Variants in AFF4 observed in about 807,000 individuals in gnomAD.
The protein encoded by AFF4 is AF4/FMR2 family member 4.
In AFF4, 13 loss-of-function variants were observed where a neutral mutation model predicts 124.8. The observed-to-expected ratio is 0.10, with a 90% CI of 0.07 to 0.17. The LOEUF is 0.17. AFF4 is among the 10% of genes least tolerant of loss of function. AFF4 has a pLI of 1.00. For missense variants in AFF4, 1,092 were observed against 1,403.8 expected (o/e 0.78, Z 3.55); for synonymous variants, 477 against 496.1 (o/e 0.96, Z 0.51).
intron 1 of AFF4, among the ~76,000 whole-genome samples, chr5:132,961,588 C>T (rs1762083620): frequency 6.6e-6 from 1 of 152,074 alleles, no homozygotes; most frequent in African/African-American, 2.4e-5. Context: ...AATGTATCAA[C>T]CTGAATGTGA....
chr5:132,916,637 T>C (rs1269218126), intron 5 of AFF4, among the ~76,000 whole-genome samples: 1 of 152,150 alleles, frequency 6.6e-6, no homozygotes, highest in African/African-American at 2.4e-5. Flanking sequence ...TGAGGTTTCC[T>C]CTCATCTCTT....
chr5:132,898,725 C>G (rs1408066696), intron 9 of AFF4, among the ~76,000 whole-genome samples: 2 of 151,968 alleles, frequency 1.3e-5, no homozygotes, highest in African/African-American at 4.8e-5. Flanking sequence ...CTCAGGTGAT[C>G]CACCCGCCTC....
Position 132,881,154 on chromosome 5 carries a change from G to A in AFF4, c.3397C>T (p.Pro1133Ser). The part of the protein sequence containing the change: ...FFAELDKVMG[P>S]LIFNASIMTD... ...ATGATGCTTGCATTAAAGATGAGAGGGCCCATTACTTTATCCAGTTCAGCA... is the reference window on the plus strand; with the variant it reads ...ATGATGCTTGCATTAAAGATGAGAGAGCCCATTACTTTATCCAGTTCAGCA... The change falls in exon 21 of 21, where the codon CCT (proline) becomes TCT (serine). Residue 1133 changes from proline (P) to serine (S), a missense_variant. Transcript: ENST00000265343. 1 of 1,613,902 alleles carries A rather than the reference G, an allele frequency of 6.2e-7. No homozygotes were observed.
intron 1 of AFF4, among the ~76,000 whole-genome samples, chr5:132,947,021 CACTTTGTGGCA>C (rs1410851635): frequency 6.6e-6 from 1 of 152,088 alleles, no homozygotes. Flanking sequence ...CATGCCACTG[CACTTTGTGGCA>C]ACTGAGTGAG....
chr5:132,958,428 TG>T (rs1561515837), intron 1 of AFF4, among the ~76,000 whole-genome samples: 1 of 126,104 alleles, frequency 7.9e-6, no homozygotes, highest in African/African-American at 3.2e-5. Context: ...ATCACATCAC[TG>T]CACTCCAGCC....
intron 5 of AFF4, among the ~76,000 whole-genome samples, chr5:132,912,462 G>A (rs1760814434): frequency 6.6e-6 from 1 of 152,110 alleles, no homozygotes; most frequent in African/African-American, 2.4e-5. Context: ...CGGGGCTCAA[G>A]CTATTTTCCC....
At chr5:132,948,352 A>T (rs538324464) in intron 1 of AFF4, 1 of 152,172 alleles carries the variant, frequency 6.6e-6, no homozygotes, top group African/African-American at 2.4e-5. Flanking sequence ...GTTCTTTCCC[A>T]TTCCTCACAA....
chr5:132,894,080 G>A (rs2150070900), intron 11 of AFF4, among the ~76,000 whole-genome samples: 1 of 152,310 alleles, frequency 6.6e-6, no homozygotes, highest in African/African-American at 2.4e-5. Context: ...TTCATCAGGT[G>A]ATGGCCATTT....
chr5:132,949,061 C>T (rs939716913), intron 1 of AFF4, among the ~76,000 whole-genome samples: 2 of 151,880 alleles, frequency 1.3e-5, no homozygotes, highest in African/African-American at 4.8e-5. Flanking sequence ...CTTGCCTTAT[C>T]AAAACATGGG....
chr5:132,961,020 G>A (rs13188357), intron 1 of AFF4, among the ~76,000 whole-genome samples: 1 of 151,816 alleles, frequency 6.6e-6, no homozygotes, highest in Non-Finnish European at 1.5e-5. Context: ...TCAGGAGTTC[G>A]AGACCAGTCT....
intron 12 of AFF4, among the ~76,000 whole-genome samples, chr5:132,892,720 A>G (rs1760294677): frequency 1.3e-5 from 2 of 152,200 alleles, no homozygotes; most frequent in South Asian, 4.1e-4. Context: ...GTTGGCAACC[A>G]GTCTCTTGGA....
At position 132,963,542 on chromosome 5, in the gene AFF4, G is replaced by A. The variant is rs993567487; in HGVS notation, c.-288C>T. On this transcript the variant is annotated 5_prime_UTR_variant, in exon 1 of 21. Coordinates refer to ENST00000265343, the MANE Select transcript of AFF4 (RefSeq NM_014423.4). ...GGGACAGCTGACTGAGGCGGCGGGGGCGGGTTAACGAAGACCTGGCACCAG... is the reference window on the plus strand; with the variant it reads ...GGGACAGCTGACTGAGGCGGCGGGGACGGGTTAACGAAGACCTGGCACCAG... 3 of 398,222 alleles carry A rather than the reference G, an allele frequency of 7.5e-6. No homozygotes were observed. Among genetic ancestry groups the A allele is most frequent in the Non-Finnish European group, 1.3e-5 (3 of 225,840 alleles). The allele number at this position is 398,222 out of a possible 1,614,324, so 24.7% of individuals were successfully genotyped here.
chr5:132,946,021 T>G (rs548841049), intron 1 of AFF4, among the ~76,000 whole-genome samples: 1 of 149,144 alleles, frequency 6.7e-6, no homozygotes, highest in Non-Finnish European at 1.5e-5. Flanking sequence ...GATTGCACCA[T>G]TGCACTCCAG....
At chr5:132,890,440 A>G (rs955158225) in intron 13 of AFF4, among the ~76,000 whole-genome samples, 3 of 151,942 alleles carry the variant, frequency 2.0e-5, no homozygotes, top group Non-Finnish European at 4.4e-5. Context: ...GGCCCCCTCT[A>G]TGTTTTATAA....
chr5:132,947,708 A>C (rs1761733194), intron 1 of AFF4, among the ~76,000 whole-genome samples: 2 of 152,190 alleles, frequency 1.3e-5, no homozygotes. Flanking sequence ...TCAACAGTAC[A>C]TAAATCCCTC....
At position 132,899,141 on chromosome 5, in the gene AFF4, C is replaced by G; in HGVS notation, c.1189G>C (p.Asp397His). Residue 397 changes from aspartate to histidine, a missense_variant and splice_region_variant, in exon 9 of 21, where the codon GAT (aspartate) becomes CAT (histidine). Physicochemically the swap from Asp to His is moderately conservative, Grantham distance 81. This residue lies in a region of AFF4 where 148 missense variants were observed against 196.3 expected (regional missense o/e 0.75). Coordinates refer to ENST00000265343, the MANE Select transcript of AFF4 (RefSeq NM_014423.4). ...CTCCTCGGCATTGTCTTATCACAAT[C>G]CTAAAATTAAAACATAAGAAAGAAT... ...SSSEDSDGEQ[D>H]CDKTMPRSTP... The G allele has an allele frequency of 6.2e-7, 1 of 1,612,308 alleles. No individual in the cohort carries two copies. The highest frequency in any genetic ancestry group is 8.5e-7 in the Non-Finnish European group (1 of 1,178,756).
intron 5 of AFF4, among the ~76,000 whole-genome samples, chr5:132,913,727 C>T (rs1357007658): frequency 1.3e-5 from 2 of 152,164 alleles, no homozygotes; most frequent in Non-Finnish European, 2.9e-5. Context: ...CAAGCGTGTG[C>T]CACCACACTG....
At chr5:132,898,449 A>G in intron 9 of AFF4, 57 bp from the exon 10 acceptor site, 1 of 1,518,164 alleles carries the variant, frequency 6.6e-7, no homozygotes, top group Non-Finnish European at 8.8e-7. Flanking sequence ...ACAACAGGAA[A>G]ACATCCAAAT....
intron 5 of AFF4, among the ~76,000 whole-genome samples, chr5:132,917,724 T>TTG (rs1760947145): frequency 7.1e-6 from 1 of 141,146 alleles, no homozygotes; most frequent in Non-Finnish European, 1.5e-5. Context: ...TTTTTTTTTT[T>TTG]TTTTTTGAGA....
Sources: allele counts gnomAD v4.1 joint callset (sites outside exome capture counted in the v4.1 genomes callset), GRCh38; gene constraint gnomAD v4.1.1; regional missense constraint gnomAD v4.1.1; transcripts MANE v1.5; gene names NCBI Gene and HGNC (gene_info 2026-07-23, HGNC 2026-07-21).